KCNIP4: variants seen among roughly 807,000 people sequenced by gnomAD.
The protein encoded by KCNIP4 is potassium voltage-gated channel interacting protein 4.
Under a neutral mutation model 34.0 loss-of-function variants are expected in KCNIP4, and 12 were observed. That is an observed-to-expected ratio of 0.35 (90% CI 0.23 to 0.57). The LOEUF (loss-of-function observed/expected upper bound fraction) is 0.57, where lower values mean the gene tolerates loss of function less well. Ranked by LOEUF, KCNIP4 falls within the 20% of genes least tolerant of loss-of-function variation. The pLI, the probability that KCNIP4 is intolerant of heterozygous loss-of-function variation, is 0.83. For synonymous variants in KCNIP4, 124 were observed against 102.2 expected, an observed-to-expected ratio of 1.21 and a Z score of -1.29; for missense variants, 238 against 311.7, an observed-to-expected ratio of 0.76 and a Z score of 1.78.
intron 1 of KCNIP4, among the ~76,000 whole-genome samples, chr4:21,357,279 C>G (rs1290164904): frequency 1.3e-5 from 2 of 152,024 alleles, no homozygotes; most frequent in Admixed American, 6.6e-5. Context: ...GACTAAAACA[C>G]CAAAAGCAAT....
intron 1 of KCNIP4, among the ~76,000 whole-genome samples, chr4:21,242,458 C>T (rs752300942): frequency 3.9e-5 from 6 of 152,014 alleles, no homozygotes; most frequent in Non-Finnish European, 8.8e-5. Context: ...CTTGACTGCA[C>T]CAAGAAATGT....
intron 1 of KCNIP4, among the ~76,000 whole-genome samples, chr4:20,922,785 G>A (rs959531526): frequency 6.6e-6 from 1 of 152,110 alleles, no homozygotes; most frequent in African/African-American, 2.4e-5. Flanking sequence ...TTTCTTGCAA[G>A]ATGCCTACAG....
rs200602363 is a variant in KCNIP4 at position 21,669,638 on chromosome 4, T to C, written c.61+278933A>G. 2.7e-5 allele frequency among the ~76,000 whole-genome samples: 4 copies of C among 149,156 alleles called. No individual in the cohort carries two copies. The South Asian group carries it at 8.6e-4, about 32-fold the overall frequency. On this transcript the variant is annotated intron_variant, in intron 1 of 8. Coordinates refer to ENST00000382152, the MANE Select transcript of KCNIP4 (RefSeq NM_025221.6). Reference sequence around the variant, plus strand: ...TTGTTTAGGAGTCAACTGTCTTTTTTAAATTTATAGAGCAGATAATGCAAA... The same window carrying C: ...TTGTTTAGGAGTCAACTGTCTTTTTCAAATTTATAGAGCAGATAATGCAAA...
chr4:21,424,225 G>A (rs945882700), intron 1 of KCNIP4, among the ~76,000 whole-genome samples: 18 of 151,908 alleles, frequency 1.2e-4, no homozygotes, highest in Admixed American at 6.6e-5. Flanking sequence ...AAAAGGCCTG[G>A]GGTCCATATC....
chr4:21,146,262 G>T (rs112540151), intron 1 of KCNIP4, among the ~76,000 whole-genome samples: 10,135 of 152,148 alleles, frequency 0.067, 454 homozygotes, highest in South Asian at 0.15. Context: ...GCCAGGCGTG[G>T]TGGCGGGCGC....
chr4:20,774,143 T>G (rs1578586319), intron 3 of KCNIP4, among the ~76,000 whole-genome samples: 1 of 152,092 alleles, frequency 6.6e-6, no homozygotes, highest in African/African-American at 2.4e-5. Context: ...CGTGCCTGGA[T>G]GTATAAACAC....
At position 20,824,229 on chromosome 4, in the gene KCNIP4, C is replaced by CA. The variant is rs1347161952; in HGVS notation, c.288+26313dup. Among the ~76,000 whole-genome samples, 6 of 152,258 alleles carry CA rather than the reference C, an allele frequency of 3.9e-5. No homozygotes were observed. The East Asian group carries it at 1.2e-3, about 29-fold the overall frequency. ...GTCTGTGTGTGTGTATGTGTGTATA[C>CA]AATCTATATATACTTTTTGCTCATC... is the stretch of plus-strand genomic sequence containing the variant. On this transcript the variant is annotated intron_variant, in intron 3 of 8. Transcript: ENST00000382152.
At chr4:21,410,593 G>GC (rs1312659118) in intron 1 of KCNIP4, among the ~76,000 whole-genome samples, 1 of 152,162 alleles carries the variant, frequency 6.6e-6, no homozygotes, top group Non-Finnish European at 1.5e-5. Context: ...GGATCAGCCA[G>GC]CCACAGTTAA....
chr4:21,078,588 A>G (rs891834241), intron 1 of KCNIP4, among the ~76,000 whole-genome samples: 19 of 152,022 alleles, frequency 1.2e-4, no homozygotes, highest in African/African-American at 4.6e-4. Context: ...TATACTTTGG[A>G]GATTAGGAAC....
At chr4:21,501,248 T>TCA (rs34406802) in intron 1 of KCNIP4, among the ~76,000 whole-genome samples, 25,944 of 103,914 alleles carry the variant, frequency 0.25, 2,593 homozygotes, top group Non-Finnish European at 0.34. Flanking sequence ...TCTCTCTCTC[T>TCA]CACACACACA....
At chr4:21,145,245 T>C (rs1376554205) in intron 1 of KCNIP4, among the ~76,000 whole-genome samples, 1 of 152,172 alleles carries the variant, frequency 6.6e-6, no homozygotes, top group Non-Finnish European at 1.5e-5. Flanking sequence ...TTTAGAAACT[T>C]AGAGTCTCTA....
At chr4:21,835,913 T>C (rs1723291535) in intron 1 of KCNIP4, among the ~76,000 whole-genome samples, 1 of 151,978 alleles carries the variant, frequency 6.6e-6, no homozygotes, top group Non-Finnish European at 1.5e-5. Context: ...ATTTAGCAAA[T>C]AAAATCCACA....
At chr4:21,481,472 C>G (rs2109833881) in intron 1 of KCNIP4, among the ~76,000 whole-genome samples, 1 of 152,262 alleles carries the variant, frequency 6.6e-6, no homozygotes, top group Non-Finnish European at 1.5e-5. Flanking sequence ...TCAGAGAATT[C>G]TGAAGGGTCA....
chr4:20,845,871 C>T (rs1267440230), intron 3 of KCNIP4, among the ~76,000 whole-genome samples: 3 of 152,104 alleles, frequency 2.0e-5, no homozygotes, highest in African/African-American at 7.2e-5. Flanking sequence ...GAAAAGGATC[C>T]ACGATCCAGA....
At chr4:20,840,434 G>A (rs976322839) in intron 3 of KCNIP4, among the ~76,000 whole-genome samples, 1 of 152,052 alleles carries the variant, frequency 6.6e-6, no homozygotes, top group Admixed American at 6.6e-5. Flanking sequence ...TTTTCTACCT[G>A]AGTACATAGG....
chr4:20,853,320 AT>A (rs55824726), intron 2 of KCNIP4, among the ~76,000 whole-genome samples: 50,884 of 152,044 alleles, frequency 0.33, 9,473 homozygotes, highest in Admixed American at 0.44. Flanking sequence ...AGAATAGATA[AT>A]TTGGAAATAA....
At chr4:21,035,792 T>C (rs1377443995) in intron 1 of KCNIP4, among the ~76,000 whole-genome samples, 1 of 152,170 alleles carries the variant, frequency 6.6e-6, no homozygotes, top group Non-Finnish European at 1.5e-5. Context: ...TCTTCCTTCA[T>C]CTAATGGCCT....
At chr4:21,719,304 A>G (rs1455178360) in intron 1 of KCNIP4, among the ~76,000 whole-genome samples, 1 of 152,196 alleles carries the variant, frequency 6.6e-6, no homozygotes, top group Non-Finnish European at 1.5e-5. Context: ...ATGAAGAAAT[A>G]TAGAGGAGTC....
intron 1 of KCNIP4, among the ~76,000 whole-genome samples, chr4:21,809,096 T>A (rs1016908235): frequency 1.3e-5 from 2 of 152,048 alleles, no homozygotes; most frequent in African/African-American, 4.8e-5. Flanking sequence ...TAAAACGCTA[T>A]TTCTGGGTGT....
Sources: allele counts gnomAD v4.1 joint callset (sites outside exome capture counted in the v4.1 genomes callset), GRCh38; gene constraint gnomAD v4.1.1; transcripts MANE v1.5; gene names NCBI Gene and HGNC (gene_info 2026-07-23, HGNC 2026-07-21).